FCHSD2: variants seen among roughly 807,000 people sequenced by gnomAD.
FCHSD2 encodes FCH and double SH3 domains 2, also known as F-BAR and double SH3 domains protein 2.
FCHSD2 carries 38 observed loss-of-function variants against 108.1 expected under a neutral mutation model. That is an observed-to-expected ratio of 0.35 (90% CI 0.27 to 0.46). FCHSD2 has a LOEUF of 0.46. Ranked by LOEUF, FCHSD2 falls within the 20% of genes least tolerant of loss-of-function variation. The pLI is 1.00. For missense variants in FCHSD2, 751 were observed against 897.8 expected (o/e 0.84, Z 2.09); for synonymous variants, 279 against 314.7 (o/e 0.89, Z 1.20).
intron 3 of FCHSD2, among the ~76,000 whole-genome samples, chr11:73,076,351 T>C (rs1026907002): frequency 2.6e-5 from 4 of 152,142 alleles, no homozygotes; most frequent in Non-Finnish European, 4.4e-5. Flanking sequence ...CAAGAAACAC[T>C]ACTCACCAAT....
At chr11:72,897,337 AG>A (rs1345654512) in intron 10 of FCHSD2, among the ~76,000 whole-genome samples, 1 of 145,000 alleles carries the variant, frequency 6.9e-6, no homozygotes, top group Non-Finnish European at 1.5e-5. Flanking sequence ...AAAAAAAAAA[AG>A]GATAGTTGTG....
intron 12 of FCHSD2, among the ~76,000 whole-genome samples, chr11:72,879,668 T>C (rs1459117389): frequency 2.6e-5 from 4 of 152,064 alleles, no homozygotes; most frequent in Admixed American, 2.0e-4. Flanking sequence ...ATAGAGGAAA[T>C]ATCCATAGGT....
chr11:73,129,505 T>C (rs1280694612), intron 2 of FCHSD2, among the ~76,000 whole-genome samples: 1 of 152,202 alleles, frequency 6.6e-6, no homozygotes, highest in Non-Finnish European at 1.5e-5. Context: ...GCAAGGGATC[T>C]AGGTTGCATG....
At chr11:73,114,670 C>T (rs1440658616) in intron 2 of FCHSD2, among the ~76,000 whole-genome samples, 2 of 152,024 alleles carry the variant, frequency 1.3e-5, no homozygotes, top group Admixed American at 6.6e-5. Context: ...AGGACTGGAT[C>T]CTTCTCTTCA....
At chr11:72,924,457 T>G (rs2135315377) in intron 8 of FCHSD2, among the ~76,000 whole-genome samples, 1 of 143,202 alleles carries the variant, frequency 7.0e-6, no homozygotes, top group East Asian at 2.1e-4. Context: ...TTTTTTTTTG[T>G]ATTTTCAGTA....
At chr11:73,093,768 AT>A in intron 2 of FCHSD2, among the ~76,000 whole-genome samples, 1 of 151,232 alleles carries the variant, frequency 6.6e-6, no homozygotes, top group South Asian at 2.1e-4. Flanking sequence ...TGCCGAGCTA[AT>A]TTTTTTTGTA....
chr11:73,050,615 A>T (rs926280898), intron 3 of FCHSD2, among the ~76,000 whole-genome samples: 3 of 152,172 alleles, frequency 2.0e-5, no homozygotes, highest in Non-Finnish European at 4.4e-5. Context: ...AACAAATAAG[A>T]CATAAACTAA....
chr11:72,975,032 T>C (rs1487821846), intron 8 of FCHSD2, among the ~76,000 whole-genome samples: 3 of 152,186 alleles, frequency 2.0e-5, no homozygotes, highest in Non-Finnish European at 4.4e-5. Context: ...AGGAAGATTT[T>C]TGGAATTAAT....
At chr11:72,976,191 T>A (rs1857101710) in intron 8 of FCHSD2, among the ~76,000 whole-genome samples, 1 of 152,242 alleles carries the variant, frequency 6.6e-6, no homozygotes, top group African/African-American at 2.4e-5. Context: ...AAAGATATAT[T>A]CAGTATCTGC....
rs1012982574 is a variant in FCHSD2 at position 72,912,026 on chromosome 11, T to C, written c.829-9388A>G. 5.9e-5 allele frequency among the ~76,000 whole-genome samples: 9 copies of C among 152,386 alleles called. No individual in the cohort carries two copies. The Middle Eastern group carries it at 0.01, about 173-fold the overall frequency. On this transcript the variant is annotated intron_variant, in intron 9 of 19. Transcript: ENST00000409418. ...GTATCCTGCAACTTTACTAAAGGTG[T>C]TTATCAGTTTGAATATTTTGGTGGA...
At chr11:72,959,853 G>GGTGT (rs58451717) in intron 8 of FCHSD2, among the ~76,000 whole-genome samples, 16,770 of 145,672 alleles carry the variant, frequency 0.12, 999 homozygotes, top group African/African-American at 0.12. Flanking sequence ...AAGTTTCTAG[G>GGTGT]GTGTGTGTGT....
At chr11:73,077,513 T>A (rs1591535441) in intron 3 of FCHSD2, 1 of 332,316 alleles carries the variant, frequency 3.0e-6, no homozygotes, top group Non-Finnish European at 5.8e-6. Context: ...TAAAAATGAT[T>A]CAGCCATTCC....
chr11:72,854,691 C>CA, intron 13 of FCHSD2, among the ~76,000 whole-genome samples: 1 of 152,252 alleles, frequency 6.6e-6, no homozygotes, highest in Non-Finnish European at 1.5e-5. Context: ...AACCCAGTCA[C>CA]AAAAAGATAA....
At chr11:72,875,094 A>G (rs936067529) in intron 12 of FCHSD2, among the ~76,000 whole-genome samples, 5 of 152,226 alleles carry the variant, frequency 3.3e-5, no homozygotes, top group Admixed American at 1.3e-4. Context: ...AAGTCTGTAA[A>G]TCTAATTTGG....
At chr11:72,840,310 G>A (rs2135147610) in intron 19 of FCHSD2, among the ~76,000 whole-genome samples, 1 of 152,254 alleles carries the variant, frequency 6.6e-6, no homozygotes, top group Middle Eastern at 3.4e-3. Flanking sequence ...GTAAAGGAAT[G>A]GTATCAAAAG....
chr11:72,879,835 T>C (rs1251871938), intron 12 of FCHSD2, among the ~76,000 whole-genome samples: 1 of 151,138 alleles, frequency 6.6e-6, no homozygotes, highest in African/African-American at 2.4e-5. Flanking sequence ...ACAGAAAACA[T>C]ATATCAAGGC....
chr11:73,037,503 A>G (rs1284097793), intron 3 of FCHSD2, among the ~76,000 whole-genome samples: 1 of 152,108 alleles, frequency 6.6e-6, no homozygotes, highest in Non-Finnish European at 1.5e-5. Flanking sequence ...TATGCCCAAA[A>G]TTATTTTTTG....
chr11:72,882,479 T>G (rs1346365895), intron 12 of FCHSD2, among the ~76,000 whole-genome samples: 1 of 152,078 alleles, frequency 6.6e-6, no homozygotes, highest in Non-Finnish European at 1.5e-5. Context: ...TAAGTTCTGG[T>G]GTTTGATAGC....
At chr11:72,934,331 CTTTT>C (rs1235013217) in intron 8 of FCHSD2, among the ~76,000 whole-genome samples, 3 of 133,050 alleles carry the variant, frequency 2.3e-5, no homozygotes, top group Non-Finnish European at 4.9e-5. Context: ...AGAGCCATGC[CTTTT>C]TTTTTTTTTT....
Sources: gnomAD v4.1 joint callset for allele counts (sites outside exome capture counted in the v4.1 genomes callset) on GRCh38, gnomAD v4.1.1 for gene constraint, MANE v1.5 for transcripts, NCBI Gene and HGNC (gene_info 2026-07-23, HGNC 2026-07-21) for gene names.